Variants in SFT2D2 observed in about 807,000 individuals in gnomAD.
The protein encoded by SFT2D2 is SFT2 domain containing 2.
In SFT2D2, 21 loss-of-function variants were observed where a neutral mutation model predicts 27.4. The ratio of observed to expected loss-of-function variants is 0.77; its 90% CI spans 0.54 to 1.10. The LOEUF (loss-of-function observed/expected upper bound fraction) is 1.10. Ranked by LOEUF, SFT2D2 falls within the 50% of genes least tolerant of loss-of-function variation. The pLI, the probability that SFT2D2 is intolerant of heterozygous loss-of-function variation, is 0.00. For synonymous variants in SFT2D2, 72 were observed against 71.7 expected, an observed-to-expected ratio of 1.00 and a Z score of -0.02; for missense variants, 187 against 194.2, an observed-to-expected ratio of 0.96 and a Z score of 0.22.
chr1:168,242,951 C>T lies in SFT2D2; in HGVS notation c.*411C>T. 1 of 250,330 alleles carries T rather than the reference C, an allele frequency of 4.0e-6. No homozygotes were observed. Among genetic ancestry groups the T allele is most frequent in the Non-Finnish European group, 7.9e-6 (1 of 125,816 alleles). The allele number at this position is 250,330 out of a possible 1,614,324, so 15.5% of individuals were successfully genotyped here. On this transcript the variant is annotated 3_prime_UTR_variant, in exon 8 of 8. Transcript: ENST00000271375. The stretch of plus-strand genomic sequence containing the variant: ...GACAGAGTTTTGGGGTCCACTTGTC[C>T]CTCAGCATGGAAGCCATCACCGTGG...
chr1:168,229,906 A>G (rs1056445253), intron 1 of SFT2D2, among the ~76,000 whole-genome samples: 2 of 152,208 alleles, frequency 1.3e-5, no homozygotes, highest in African/African-American at 2.4e-5. Context: ...AGACTCCTCC[A>G]GGAGAGGTTT....
At position 168,244,787 on chromosome 1, in the gene SFT2D2, G is replaced by GAGCTCCAGC. The variant is rs1357792384; in HGVS notation, c.*2260_*2268dup. 4 of 152,096 alleles carry GAGCTCCAGC rather than the reference G, an allele frequency of 2.6e-5. No individual in the cohort carries two copies. 9.4% of individuals were successfully genotyped at this position (152,096 alleles called of 1,614,324 possible). A position where few individuals can be genotyped will look rare whatever the true frequency, so the allele number is the denominator to read the frequency against. On this transcript the variant is annotated 3_prime_UTR_variant, in exon 8 of 8. Transcript: ENST00000271375. ...GATACGAGGCTTGGCTAGTCACTGTGAGCTCCAGCAGCTCCAGCAGCCTGG... is the reference window on the plus strand; with the variant it reads ...GATACGAGGCTTGGCTAGTCACTGTGAGCTCCAGCAGCTCCAGCAGCTCCAGCAGCCTGG...
Position 168,235,192 on chromosome 1 carries a change from G to C in SFT2D2, c.318+10G>C. 1 of 1,613,864 alleles carries C rather than the reference G, an allele frequency of 6.2e-7. No individual in the cohort carries two copies. The highest frequency in any genetic ancestry group is 8.5e-7 in the Non-Finnish European group (1 of 1,179,766). On this transcript the variant is annotated intron_variant, in intron 4 of 7. Coordinates refer to ENST00000271375, the MANE Select transcript of SFT2D2 (RefSeq NM_199344.3). The stretch of plus-strand genomic sequence containing the variant: ...AACTATCATGGTGCTGGTAAGGTCT[G>C]CTTTTTAGCTGGACTTCTCAGATGG...
At position 168,246,194 on chromosome 1, in the gene SFT2D2, T is replaced by C. The variant is rs1647807133; in HGVS notation, c.*3654T>C. On this transcript the variant is annotated 3_prime_UTR_variant, in exon 8 of 8. Transcript: ENST00000271375. ...TTTATTGATCATCCTCTTGTTCTTC[T>C]AGCAAAAGACGGTGCTTTATGCACT... The C allele has an allele frequency of 3.8e-6, 1 of 264,588 alleles. No individual in the cohort carries two copies. Among genetic ancestry groups the C allele is most frequent in the Non-Finnish European group, 7.5e-6 (1 of 133,542 alleles). 16.4% of individuals were successfully genotyped at this position (264,588 alleles called of 1,614,324 possible).
chr1:168,230,090 T>C (rs2102328141), intron 1 of SFT2D2, among the ~76,000 whole-genome samples: 1 of 152,278 alleles, frequency 6.6e-6, no homozygotes, highest in South Asian at 2.1e-4. Context: ...AGGTAGTCTT[T>C]GGCAATACGT....
chr1:168,226,026 G>A lies in SFT2D2; in HGVS notation c.-54G>A, dbSNP rs1558173598. ...AGCACCCGGAAGAGCCGTCAACTTAGCGAGCGCAACAGGCTGCCGCTGAGG... is the reference window on the plus strand; with the variant it reads ...AGCACCCGGAAGAGCCGTCAACTTAACGAGCGCAACAGGCTGCCGCTGAGG... On this transcript the variant is annotated 5_prime_UTR_variant, in exon 1 of 8. Coordinates refer to ENST00000271375, the MANE Select transcript of SFT2D2 (RefSeq NM_199344.3). 1 of 1,453,136 alleles carries A rather than the reference G, an allele frequency of 6.9e-7. No individual in the cohort carries two copies. The highest frequency in any genetic ancestry group is 9.1e-7 in the Non-Finnish European group (1 of 1,093,396). 90.0% of individuals were successfully genotyped at this position (1,453,136 alleles called of 1,614,324 possible). A position where few individuals can be genotyped will look rare whatever the true frequency, so the allele number is the denominator to read the frequency against.
chr1:168,230,706 C>A (rs957072391), intron 1 of SFT2D2, among the ~76,000 whole-genome samples: 1 of 152,102 alleles, frequency 6.6e-6, no homozygotes. Flanking sequence ...AACTCCTGAC[C>A]TCAGGTGATG....
intron 7 of SFT2D2, among the ~76,000 whole-genome samples, chr1:168,239,942 G>T (rs1384137145): frequency 6.6e-6 from 1 of 151,726 alleles, no homozygotes; most frequent in African/African-American, 2.4e-5. Context: ...TTGGGAGGCC[G>T]AGGCGGGTGG....
At chr1:168,232,474 G>A (rs1647352782) in intron 3 of SFT2D2, among the ~76,000 whole-genome samples, 1 of 152,186 alleles carries the variant, frequency 6.6e-6, no homozygotes, top group African/African-American at 2.4e-5. Flanking sequence ...CTCTCCAACT[G>A]GGAGCACTGG....
chr1:168,226,134 C>G lies in SFT2D2; in HGVS notation c.55C>G (p.Leu19Val). ...GCAGGACACGGAGGACCGGAGCGGC[C>G]TGTCCGAGGTGAGTGAGCCCGGGGC... is the stretch of plus-strand genomic sequence containing the variant. ...SGQDTEDRSGLSEVVEASSLS... is the reference protein window; with the variant it reads ...SGQDTEDRSGVSEVVEASSLS... Residue 19 changes from leucine (L) to valine (V), a missense_variant, in exon 1 of 8, where the codon CTG (leucine) becomes GTG (valine). Leu to Val is a conservative substitution (Grantham distance 32). Coordinates refer to ENST00000271375, the MANE Select transcript of SFT2D2 (RefSeq NM_199344.3). 1.3e-6 allele frequency: 2 copies of G among 1,534,604 alleles called. No homozygotes were observed. The highest frequency in any genetic ancestry group is 1.8e-6 in the Non-Finnish European group (2 of 1,140,056).
At chr1:168,226,793 C>T (rs1700465481) in intron 1 of SFT2D2, among the ~76,000 whole-genome samples, 1 of 152,114 alleles carries the variant, frequency 6.6e-6, no homozygotes, top group South Asian at 2.1e-4. Flanking sequence ...AGACTGCCTG[C>T]GTGTTGGTTT....
chr1:168,226,424 A>G (rs1185275250), intron 1 of SFT2D2, among the ~76,000 whole-genome samples: 1 of 152,086 alleles, frequency 6.6e-6, no homozygotes, highest in East Asian at 1.9e-4. Context: ...AGGGTGGGCG[A>G]CTGGGCTGTC....
chr1:168,234,539 A>G (rs1207589337), intron 3 of SFT2D2, among the ~76,000 whole-genome samples: 1 of 152,192 alleles, frequency 6.6e-6, no homozygotes, highest in Admixed American at 6.5e-5. Context: ...AAAGTTGTTG[A>G]GGAGAAGAAA....
In SFT2D2 at chr1:168,252,061, T is replaced by C. The variant is rs1399573695; in HGVS notation, c.*9521T>C. The C allele has an allele frequency of 6.6e-6, 1 of 152,212 alleles. No homozygotes were observed. Among genetic ancestry groups the C allele is most frequent in the African/African-American group, 2.4e-5 (1 of 41,444 alleles). The allele number at this position is 152,212 out of a possible 1,614,324, so 9.4% of individuals were successfully genotyped here. A position where few individuals can be genotyped will look rare whatever the true frequency, so the allele number is the denominator to read the frequency against. The stretch of plus-strand genomic sequence containing the variant: ...ATTCATAGTCCCTGATACTTAAGCT[T>C]TACCCTTGGCTTACCAGTTTTCATT... On this transcript the variant is annotated 3_prime_UTR_variant, in exon 8 of 8. Coordinates refer to ENST00000271375, the MANE Select transcript of SFT2D2 (RefSeq NM_199344.3).
chr1:168,226,263 C>T (rs939312928), intron 1 of SFT2D2, 121 bp downstream of exon 1: 22 of 802,826 alleles, frequency 2.7e-5, no homozygotes, highest in South Asian at 6.3e-5. Flanking sequence ...TGCCCCTTCT[C>T]CTCCTCTTCT....
chr1:168,230,294 T>C (rs1226934164), intron 1 of SFT2D2, among the ~76,000 whole-genome samples: 1 of 152,136 alleles, frequency 6.6e-6, no homozygotes, highest in Non-Finnish European at 1.5e-5. Flanking sequence ...TAGGAAACTT[T>C]GACCACATTG....
At chr1:168,231,664 T>G in intron 2 of SFT2D2, 64 bp downstream of exon 2, 1 of 1,534,762 alleles carries the variant, frequency 6.5e-7, no homozygotes, top group South Asian at 1.1e-5. Context: ...TTCCCCCTTT[T>G]GTCCACCTCC....
chr1:168,233,644 G>A (rs1161872256), intron 3 of SFT2D2, among the ~76,000 whole-genome samples: 4 of 149,714 alleles, frequency 2.7e-5, no homozygotes, highest in Admixed American at 2.0e-4. Flanking sequence ...AACTTTGGGT[G>A]GGGGGGTGTT....
In SFT2D2 at chr1:168,248,252, T is replaced by C. The variant is rs1647870490; in HGVS notation, c.*5712T>C. ...GTCGTGAAGTCTTTGCCTATGCCTA[T>C]GTCCTGAATGGTATTGCCTAGGTTT... On this transcript the variant is annotated 3_prime_UTR_variant, in exon 8 of 8. Coordinates refer to ENST00000271375, the MANE Select transcript of SFT2D2 (RefSeq NM_199344.3). The C allele has an allele frequency of 6.6e-6, 1 of 152,250 alleles. No homozygotes were observed. Among genetic ancestry groups the C allele is most frequent in the South Asian group, 2.1e-4 (1 of 4,828 alleles). The allele number at this position is 152,250 out of a possible 1,614,324, so 9.4% of individuals were successfully genotyped here.
Sources: gnomAD v4.1 joint callset for allele counts (sites outside exome capture counted in the v4.1 genomes callset) on GRCh38, gnomAD v4.1.1 for gene constraint, MANE v1.5 for transcripts, NCBI Gene and HGNC (gene_info 2026-07-23, HGNC 2026-07-21) for gene names.